The following GFPT2 variants were observed in gnomAD, a reference collection of about 807,000 sequenced individuals.
GFPT2 encodes the protein glutamine--fructose-6-phosphate aminotransferase [isomerizing] 2.
In GFPT2, 62 loss-of-function variants were observed where a neutral mutation model predicts 85.6. The ratio of observed to expected loss-of-function variants is 0.72; its 90% confidence interval spans 0.59 to 0.90. GFPT2 has a LOEUF of 0.90. Ranked by LOEUF, GFPT2 falls within the 40% of genes least tolerant of loss-of-function variation. GFPT2 has a pLI of 0.00. For synonymous variants in GFPT2, 368 were observed against 344.5 expected, an observed-to-expected ratio of 1.07 and a Z score of -0.75; for missense variants, 788 against 893.4, an observed-to-expected ratio of 0.88 and a Z score of 1.50.
chr5:180,315,332 C>T (rs918781657), intron 13 of GFPT2, among the ~76,000 whole-genome samples: 31 of 152,152 alleles, frequency 2.0e-4, no homozygotes, highest in Admixed American at 1.4e-3. Context: ...CGCCCGCCAC[C>T]ACGCCCGGCT....
At position 180,324,882 on chromosome 5, in the gene GFPT2, G is replaced by T; in HGVS notation, c.610C>A (p.Leu204Met). 6.2e-7 allele frequency: 1 copy of T among 1,608,304 alleles called. No homozygotes were observed. Among genetic ancestry groups the T allele is most frequent in the East Asian group, 2.2e-5 (1 of 44,844 alleles). The change falls in exon 8 of 19, where the codon CTG becomes ATG. Residue 204 changes from leucine to methionine, a missense_variant. By Grantham distance (15) the Leu-to-Met change is conservative (BLOSUM62 2). Transcript: ENST00000253778. Reference sequence around the variant, plus strand: ...TATTTGCTCCGGACTCCGATGAGCAGGGGGCTGCCTCTCCTGTAGGGAGAA... The same window carrying T: ...TATTTGCTCCGGACTCCGATGAGCATGGGGCTGCCTCTCCTGTAGGGAGAA... ...EAVATRRGSP[L>M]LIGVRSKYKL...
intron 14 of GFPT2, among the ~76,000 whole-genome samples, chr5:180,313,146 C>A (rs140807051): frequency 6.6e-6 from 1 of 151,634 alleles, no homozygotes; most frequent in East Asian, 2.0e-4. Context: ...GGGATGCTCC[C>A]GCCTCAGCCT....
rs1358356097 is a variant in GFPT2 at position 180,323,854 on chromosome 5, T to C, written c.794+334A>G. Among the ~76,000 whole-genome samples, 1 of 152,234 alleles carries C rather than the reference T, an allele frequency of 6.6e-6. No homozygotes were observed. Among genetic ancestry groups the C allele is most frequent in the Non-Finnish European group, 1.5e-5 (1 of 68,038 alleles). ...GCACAGCATGCCCCGATCTGCTAGT[T>C]CTTCCAGAGAAGCTAGAGATTTCAG... On this transcript the variant is annotated intron_variant, in intron 9 of 18. Transcript: ENST00000253778. The surrounding 1 kb of genome is among the most constrained non-coding windows in gnomAD (Gnocchi z 4.0).
At chr5:180,339,630 T>C (rs182969160) in intron 1 of GFPT2, among the ~76,000 whole-genome samples, 32 of 152,362 alleles carry the variant, frequency 2.1e-4, no homozygotes, top group African/African-American at 7.2e-4. Flanking sequence ...TCCTCTCTCC[T>C]GCCCTGTGCA....
chr5:180,348,412 G>C (rs955825871), intron 1 of GFPT2, among the ~76,000 whole-genome samples: 1 of 152,238 alleles, frequency 6.6e-6, no homozygotes, highest in African/African-American at 2.4e-5. Flanking sequence ...TCATACACTG[G>C]GAAAGGTCAC....
At chr5:180,351,495 G>C (rs968056631) in intron 1 of GFPT2, among the ~76,000 whole-genome samples, 1 of 149,790 alleles carries the variant, frequency 6.7e-6, no homozygotes, top group Non-Finnish European at 1.5e-5. Flanking sequence ...CGCACTCTTT[G>C]ATTCTGGCTC....
chr5:180,336,615 G>T, intron 2 of GFPT2, 38 bp from the exon 3 acceptor site: 1 of 1,362,376 alleles, frequency 7.3e-7, no homozygotes, highest in Non-Finnish European at 1.1e-6. Context: ...TGCAACCAAA[G>T]CTTTTTCTCA....
chr5:180,329,455 G>A (rs913604315), intron 6 of GFPT2, among the ~76,000 whole-genome samples: 1 of 152,096 alleles, frequency 6.6e-6, no homozygotes, highest in Non-Finnish European at 1.5e-5. Context: ...TATGAGAGAG[G>A]TATTTCTGAA....
intron 1 of GFPT2, among the ~76,000 whole-genome samples, chr5:180,349,455 A>G (rs1048757576): frequency 3.9e-5 from 6 of 152,210 alleles, no homozygotes; most frequent in African/African-American, 1.4e-4. Flanking sequence ...ATTGAAAAGC[A>G]CTGTTTACTG....
chr5:180,340,941 C>T (rs1011419558), intron 1 of GFPT2, among the ~76,000 whole-genome samples: 8 of 152,284 alleles, frequency 5.3e-5, no homozygotes, highest in East Asian at 1.9e-4. Context: ...AGATGAATGA[C>T]GGGGGAACAA....
intron 1 of GFPT2, among the ~76,000 whole-genome samples, chr5:180,340,183 G>A (rs898107659): frequency 6.8e-6 from 1 of 147,588 alleles, no homozygotes; most frequent in African/African-American, 2.4e-5. Flanking sequence ...TCTCTCTGGA[G>A]GTTTTTTTTT....
chr5:180,326,145 G>A (rs1764208071), intron 7 of GFPT2, among the ~76,000 whole-genome samples: 1 of 152,138 alleles, frequency 6.6e-6, no homozygotes, highest in South Asian at 2.1e-4. Context: ...TCTACCATAG[G>A]TGTGCACAGA....
chr5:180,351,196 T>C (rs1554136617), intron 1 of GFPT2, among the ~76,000 whole-genome samples: 3 of 151,834 alleles, frequency 2.0e-5, no homozygotes, highest in Non-Finnish European at 4.4e-5. Context: ...CAGACCATCA[T>C]CCCCCCCAAA....
chr5:180,352,713 G>A, intron 1 of GFPT2: 1 of 412,966 alleles, frequency 2.4e-6, no homozygotes, highest in South Asian at 1.7e-5. Context: ...CAGCGGGGGC[G>A]ACCGGGCGGG....
chr5:180,308,274 AAAAG>A (rs1303344432), intron 15 of GFPT2, among the ~76,000 whole-genome samples: 1 of 151,918 alleles, frequency 6.6e-6, no homozygotes, highest in Non-Finnish European at 1.5e-5. Flanking sequence ...AAAAAGAAGA[AAAAG>A]AAAGAAAGAA....
chr5:180,315,400 A>G (rs1336905106), intron 13 of GFPT2, among the ~76,000 whole-genome samples: 9 of 152,090 alleles, frequency 5.9e-5, no homozygotes, highest in Non-Finnish European at 1.0e-4. Flanking sequence ...GGATGGCCTC[A>G]ATCTCCTGAC....
At chr5:180,332,041 G>C (rs1330268674) in intron 4 of GFPT2, among the ~76,000 whole-genome samples, 1 of 152,254 alleles carries the variant, frequency 6.6e-6, no homozygotes, top group Non-Finnish European at 1.5e-5. Context: ...AAAATTCTGA[G>C]TGTTCACTTT....
In GFPT2 at chr5:180,317,014, C is replaced by T. The variant is rs751318578; in HGVS notation, c.1003G>A (p.Glu335Lys). The part of the protein sequence containing the change: ...FMQKEIFEQP[E>K]SVFNTMRGRV... Reference sequence around the variant, plus strand: ...CCTCTCATAGTATTGAAAACTGATTCTGGCTGTTCGAAGATCTCCTTCTGC... The same window carrying T: ...CCTCTCATAGTATTGAAAACTGATTTTGGCTGTTCGAAGATCTCCTTCTGC... Residue 335 changes from glutamate (E) to lysine (K), a missense_variant, in exon 11 of 19, where the codon GAA (glutamate) becomes AAA (lysine). Glu to Lys is a moderately conservative substitution (Grantham distance 56, BLOSUM62 1). Coordinates refer to ENST00000253778, the MANE Select transcript of GFPT2 (RefSeq NM_005110.4). 2.5e-6 allele frequency: 4 copies of T among 1,612,336 alleles called. No individual in the cohort carries two copies. The highest frequency in any genetic ancestry group is 3.4e-6 in the Non-Finnish European group (4 of 1,178,314).
At chr5:180,341,110 G>A (rs77376507) in intron 1 of GFPT2, among the ~76,000 whole-genome samples, 3 of 152,290 alleles carry the variant, frequency 2.0e-5, no homozygotes, top group Non-Finnish European at 4.4e-5. Context: ...AGGGGAGCCT[G>A]TGACTCGTCC....
Sources: gnomAD v4.1 joint callset for allele counts (sites outside exome capture counted in the v4.1 genomes callset) on GRCh38, gnomAD v4.1.1 for gene constraint, Gnocchi (gnomAD v3.1) non-coding constraint, MANE v1.5 for transcripts, NCBI Gene and HGNC (gene_info 2026-07-23, HGNC 2026-07-21) for gene names.